Variants in SGCZ observed in about 807,000 individuals in gnomAD.
SGCZ encodes the protein sarcoglycan zeta, also known as zeta-sarcoglycan.
A neutral mutation model predicts 41.3 loss-of-function variants in SGCZ; 40 were observed. That is an observed-to-expected ratio of 0.97 (90% CI 0.75 to 1.26). The LOEUF is 1.26. Ranked by LOEUF, SGCZ falls within the 50% of genes most tolerant of loss-of-function variation. The pLI, the probability that SGCZ is intolerant of heterozygous loss-of-function variation, is 0.00. For missense variants in SGCZ, 552 were observed against 369.8 expected (o/e 1.49, Z -4.04); for synonymous variants, 206 against 137.5 (o/e 1.50, Z -3.49).
At chr8:14,117,160 C>G (rs1245484748) in intron 5 of SGCZ, among the ~76,000 whole-genome samples, 1 of 151,902 alleles carries the variant, frequency 6.6e-6, no homozygotes, top group Non-Finnish European at 1.5e-5. Context: ...TGTCCTCTGA[C>G]CTACAAAAAT....
intron 2 of SGCZ, among the ~76,000 whole-genome samples, chr8:14,334,976 G>T (rs557656516): frequency 6.6e-6 from 1 of 152,102 alleles, no homozygotes; most frequent in African/African-American, 2.4e-5. Flanking sequence ...GATCTTAAAA[G>T]TACAGATATC....
At chr8:14,312,608 C>A (rs1214633837) in intron 3 of SGCZ, among the ~76,000 whole-genome samples, 2 of 151,546 alleles carry the variant, frequency 1.3e-5, no homozygotes, top group African/African-American at 4.9e-5. Context: ...CTAGCCTAGA[C>A]AACATAGCTA....
chr8:14,190,336 G>A (rs1448465282), intron 4 of SGCZ, among the ~76,000 whole-genome samples: 1 of 151,432 alleles, frequency 6.6e-6, no homozygotes, highest in Non-Finnish European at 1.5e-5. Context: ...TTTTAAGGCT[G>A]AATAATATCC....
chr8:15,129,623 A>G (rs188641864), intron 1 of SGCZ, among the ~76,000 whole-genome samples: 93 of 151,398 alleles, frequency 6.1e-4, no homozygotes, highest in African/African-American at 2.2e-3. Flanking sequence ...CCAGCCATGC[A>G]TGGGAACAGC....
intron 1 of SGCZ, among the ~76,000 whole-genome samples, chr8:14,835,415 A>C (rs561812763): frequency 4.5e-4 from 68 of 151,804 alleles, no homozygotes; most frequent in Non-Finnish European, 9.1e-4. Flanking sequence ...ATCTAATTAT[A>C]TTCCCAATCT....
chr8:14,595,120 A>C, intron 1 of SGCZ, among the ~76,000 whole-genome samples: 1 of 150,426 alleles, frequency 6.6e-6, no homozygotes, highest in Admixed American at 6.6e-5. Context: ...AACATCAATA[A>C]TGATGACAAA....
Position 14,738,788 on chromosome 8 carries a change from G to A in SGCZ, c.40-183862C>T, listed in dbSNP as rs17120176. Among the ~76,000 whole-genome samples, 79 of 148,124 alleles carry A rather than the reference G, an allele frequency of 5.3e-4. No homozygotes were observed. The East Asian group carries it at 0.013, about 24-fold the overall frequency. The stretch of plus-strand genomic sequence containing the variant: ...AGAAGATAACCCTACTAACTATGCC[G>A]TTGATATTGTTCCTGTGAGTCTGAA... On this transcript the variant is annotated intron_variant, in intron 1 of 7. Coordinates refer to ENST00000382080, the MANE Select transcript of SGCZ (RefSeq NM_139167.4).
intron 3 of SGCZ, among the ~76,000 whole-genome samples, chr8:14,302,131 G>A (rs1469095595): frequency 1.3e-5 from 2 of 151,406 alleles, no homozygotes; most frequent in South Asian, 2.1e-4. Flanking sequence ...ATGTGGGAGA[G>A]GAACCTATTA....
chr8:14,361,557 G>A (rs758882443), intron 2 of SGCZ, among the ~76,000 whole-genome samples: 3 of 152,128 alleles, frequency 2.0e-5, no homozygotes, highest in Non-Finnish European at 4.4e-5. Flanking sequence ...TCTCTACACT[G>A]GTTATTCTAG....
chr8:14,180,215 G>T (rs911054495), intron 4 of SGCZ, among the ~76,000 whole-genome samples: 4 of 152,114 alleles, frequency 2.6e-5, no homozygotes, highest in African/African-American at 9.7e-5. Flanking sequence ...AAGGGTGAGG[G>T]CGAGTTGAAG....
In SGCZ at chr8:14,105,869, A is replaced by G. The variant is rs563128621; in HGVS notation, c.620+2294T>C. On this transcript the variant is annotated intron_variant, in intron 6 of 7. Coordinates refer to ENST00000382080, the MANE Select transcript of SGCZ (RefSeq NM_139167.4). ...AAGACTTTCCACAGTAAAAATTATA[A>G]AATGAGCATATAGTTACCAAAACGT... 3.1e-4 allele frequency among the ~76,000 whole-genome samples: 47 copies of G among 152,286 alleles called. 1 individual carries two copies. Among genetic ancestry groups the G allele is most frequent in the Admixed American group, 5.2e-4 (8 of 15,296 alleles).
rs150797467 is a variant in SGCZ at position 14,971,603 on chromosome 8, G to A, written c.39+265982C>T. ...TGTTAAACCAATCTTACATTCCTGGGATAAATCTCATGTGGTCATGAGGCA... is the reference window on the plus strand; with the variant it reads ...TGTTAAACCAATCTTACATTCCTGGAATAAATCTCATGTGGTCATGAGGCA... On this transcript the variant is annotated intron_variant, in intron 1 of 7. Transcript: ENST00000382080. 8.5e-3 allele frequency among the ~76,000 whole-genome samples: 1,269 copies of A among 149,344 alleles called. 6 individuals are homozygous for A. The highest frequency in any genetic ancestry group is 0.014 in the Non-Finnish European group (919 of 67,464).
intron 1 of SGCZ, among the ~76,000 whole-genome samples, chr8:14,602,068 C>CGA (rs1318981612): frequency 6.6e-6 from 1 of 151,778 alleles, no homozygotes; most frequent in Non-Finnish European, 1.5e-5. Context: ...TGCAGTGAGC[C>CGA]GAGATTGCGC....
intron 3 of SGCZ, chr8:14,319,651 C>CT (rs1263118642): frequency 6.6e-6 from 1 of 152,120 alleles, no homozygotes; most frequent in East Asian, 1.9e-4. Context: ...CGATGAGTAA[C>CT]TGTAGCCATT....
At chr8:14,798,518 T>C (rs1297222297) in intron 1 of SGCZ, among the ~76,000 whole-genome samples, 3 of 152,142 alleles carry the variant, frequency 2.0e-5, no homozygotes, top group Admixed American at 1.3e-4. Flanking sequence ...ATTAACAGCA[T>C]TGTTTCTGAA....
At chr8:14,861,215 C>T (rs530252771) in intron 1 of SGCZ, among the ~76,000 whole-genome samples, 7 of 152,312 alleles carry the variant, frequency 4.6e-5, no homozygotes, top group African/African-American at 1.4e-4. Flanking sequence ...AAGACTGTCA[C>T]ATCCATTCTT....
chr8:15,217,298 T>C (rs1248137605), intron 1 of SGCZ, among the ~76,000 whole-genome samples: 1 of 151,440 alleles, frequency 6.6e-6, no homozygotes. Flanking sequence ...GCGCCTGTAG[T>C]CCCAGCTACT....
intron 1 of SGCZ, among the ~76,000 whole-genome samples, chr8:14,672,802 T>A (rs1808146796): frequency 6.6e-6 from 1 of 152,084 alleles, no homozygotes; most frequent in Non-Finnish European, 1.5e-5. Context: ...AAGACCTCTT[T>A]GCTTTTACTC....
intron 2 of SGCZ, among the ~76,000 whole-genome samples, chr8:14,528,660 T>C (rs1803026073): frequency 6.6e-6 from 1 of 151,912 alleles, no homozygotes; most frequent in Non-Finnish European, 1.5e-5. Context: ...CTTCCATTAA[T>C]CACTTATATG....
Sources: gnomAD v4.1 joint callset for allele counts (sites outside exome capture counted in the v4.1 genomes callset) on GRCh38, gnomAD v4.1.1 for gene constraint, MANE v1.5 for transcripts, NCBI Gene and HGNC (gene_info 2026-07-23, HGNC 2026-07-21) for gene names.